The following MARCHF11 variants were observed in gnomAD, a reference collection of about 807,000 sequenced individuals.
The protein encoded by MARCHF11 is membrane associated ring-CH-type finger 11, also known as E3 ubiquitin-protein ligase MARCHF11.
Under a neutral mutation model 37.3 loss-of-function variants are expected in MARCHF11, and 29 were observed. That is an observed-to-expected ratio of 0.78 (90% confidence interval 0.58 to 1.06). The LOEUF (loss-of-function observed/expected upper bound fraction) is 1.06, where lower values mean the gene tolerates loss of function less well. Ranked by LOEUF, MARCHF11 falls within the 50% of genes least tolerant of loss-of-function variation. MARCHF11 has a pLI of 0.00. For missense variants in MARCHF11, 482 were observed against 533.4 expected (o/e 0.90, Z 0.95); for synonymous variants, 233 against 228.0 (o/e 1.02, Z -0.20).
intron 2 of MARCHF11, among the ~76,000 whole-genome samples, chr5:16,095,463 G>GGGAA (rs200720532): frequency 0.27 from 35,179 of 131,590 alleles, 5,884 homozygotes; most frequent in East Asian, 0.59. Flanking sequence ...CAGGGAAGGA[G>GGGAA]GGAAGGAAGG....
intron 2 of MARCHF11, among the ~76,000 whole-genome samples, chr5:16,153,363 G>A (rs1196098887): frequency 6.6e-6 from 1 of 151,914 alleles, no homozygotes; most frequent in East Asian, 1.9e-4. Context: ...CAGGTTACAG[G>A]AAGCACAGGA....
intron 3 of MARCHF11, among the ~76,000 whole-genome samples, chr5:16,069,937 T>C (rs1736405546): frequency 6.6e-6 from 1 of 152,140 alleles, no homozygotes; most frequent in African/African-American, 2.4e-5. Context: ...TAAAGATACA[T>C]GTGACTTACA....
chr5:16,178,945 T>G (rs1455428219), intron 1 of MARCHF11, 94 bp downstream of exon 1: 1 of 1,317,938 alleles, frequency 7.6e-7, no homozygotes, highest in Non-Finnish European at 9.7e-7. Context: ...GGAGGCAAAC[T>G]GGGAGGTAGG....
At chr5:16,169,597 A>T (rs1168107379) in intron 2 of MARCHF11, among the ~76,000 whole-genome samples, 1 of 152,138 alleles carries the variant, frequency 6.6e-6, no homozygotes. Context: ...ATGTCTTATC[A>T]TATAACAGGT....
At chr5:16,106,603 T>C (rs1350174489) in intron 2 of MARCHF11, among the ~76,000 whole-genome samples, 2 of 152,224 alleles carry the variant, frequency 1.3e-5, no homozygotes, top group African/African-American at 4.8e-5. Flanking sequence ...TAGCTTCTAA[T>C]TCTAGTCCAG....
chr5:16,083,169 G>C (rs574103996), intron 3 of MARCHF11, among the ~76,000 whole-genome samples: 1 of 152,146 alleles, frequency 6.6e-6, no homozygotes, highest in Non-Finnish European at 1.5e-5. Flanking sequence ...CGGGGCTGTT[G>C]GTGGTTGGCA....
At chr5:16,135,037 C>T (rs954469316) in intron 2 of MARCHF11, among the ~76,000 whole-genome samples, 6 of 151,898 alleles carry the variant, frequency 4.0e-5, no homozygotes, top group Non-Finnish European at 5.9e-5. Context: ...CATGCAAACA[C>T]GCACACATAG....
intron 3 of MARCHF11, among the ~76,000 whole-genome samples, chr5:16,069,920 C>G (rs1323529057): frequency 2.0e-5 from 3 of 152,066 alleles, no homozygotes; most frequent in Non-Finnish European, 1.5e-5. Context: ...GGTCCCTTAC[C>G]AGGAGGTAAA....
intron 2 of MARCHF11, among the ~76,000 whole-genome samples, chr5:16,145,062 C>T (rs190135525): frequency 2.6e-5 from 4 of 152,298 alleles, no homozygotes; most frequent in Admixed American, 2.6e-4. Flanking sequence ...GAGCTGAATA[C>T]ATTCATTTTT....
In MARCHF11 at chr5:16,179,263, CTTCCCCGGA is replaced by C; in HGVS notation, c.304_312del (p.Ser102_Glu104del). 7.5e-7 allele frequency: 1 copy of C among 1,330,390 alleles called. No homozygotes were observed. The highest frequency in any genetic ancestry group is 9.6e-7 in the Non-Finnish European group (1 of 1,038,764). The allele number at this position is 1,330,390 out of a possible 1,614,324, so 82.4% of individuals were successfully genotyped here. On this transcript the variant is annotated inframe_deletion, in exon 1 of 4. Transcript: ENST00000332432. ...GCCGCCTCCGGGAGGCGCCTCGGAC[CTTCCCCGGA>C]GTCGCCGGCCGCCGCCACTTCCTGG...
rs914708930 is a variant in MARCHF11, at chr5:16,123,896, T to C, written c.694-32815A>G. 2.0e-5 allele frequency among the ~76,000 whole-genome samples: 3 copies of C among 152,122 alleles called. No individual in the cohort carries two copies. In the South Asian group the frequency reaches 6.2e-4, roughly 32 times the overall value. ...GACCCACCTTTTACAATTCAATATG[T>C]GGCATGAAAAATACACAGATACATA... On this transcript the variant is annotated intron_variant, in intron 2 of 3. Transcript: ENST00000332432.
chr5:16,113,945 CCT>C (rs1475425779), intron 2 of MARCHF11, among the ~76,000 whole-genome samples: 2 of 151,994 alleles, frequency 1.3e-5, no homozygotes, highest in Non-Finnish European at 2.9e-5. Flanking sequence ...TTTTCAACTC[CCT>C]CCCCACCTTT....
At chr5:16,133,227 C>T (rs1737549003) in intron 2 of MARCHF11, among the ~76,000 whole-genome samples, 1 of 152,116 alleles carries the variant, frequency 6.6e-6, no homozygotes, top group South Asian at 2.1e-4. Flanking sequence ...ATTTGGTGTT[C>T]ATCTCTGATT....
At chr5:16,149,828 C>CACAT (rs1737862414) in intron 2 of MARCHF11, among the ~76,000 whole-genome samples, 1 of 152,060 alleles carries the variant, frequency 6.6e-6, no homozygotes, top group Non-Finnish European at 1.5e-5. Flanking sequence ...GTGGTACATC[C>CACAT]ATACAATGGA....
intron 2 of MARCHF11, among the ~76,000 whole-genome samples, chr5:16,122,091 C>G (rs996150162): frequency 6.6e-6 from 1 of 152,126 alleles, no homozygotes; most frequent in African/African-American, 2.4e-5. Context: ...TACATGCAGG[C>G]AATTTGTCTC....
chr5:16,110,521 T>C (rs1039193119), intron 2 of MARCHF11, among the ~76,000 whole-genome samples: 1 of 152,100 alleles, frequency 6.6e-6, no homozygotes, highest in African/African-American at 2.4e-5. Context: ...AAAAAATGGA[T>C]ATTTATTTGA....
At chr5:16,115,239 G>T (rs1414608405) in intron 2 of MARCHF11, among the ~76,000 whole-genome samples, 1 of 152,162 alleles carries the variant, frequency 6.6e-6, no homozygotes, top group African/African-American at 2.4e-5. Context: ...TGTAATAAGT[G>T]CCTTCTCAGT....
intron 2 of MARCHF11, among the ~76,000 whole-genome samples, chr5:16,152,893 T>C (rs1560990251): frequency 6.6e-6 from 1 of 152,028 alleles, no homozygotes; most frequent in Admixed American, 6.6e-5. Context: ...TAATGTAATA[T>C]GATAACTTAA....
At chr5:16,150,624 T>C (rs1278736528) in intron 2 of MARCHF11, among the ~76,000 whole-genome samples, 1 of 137,016 alleles carries the variant, frequency 7.3e-6, no homozygotes, top group Non-Finnish European at 1.5e-5. Flanking sequence ...TACTCTCCTA[T>C]AGCTAGCTCA....
Sources: gnomAD v4.1 joint callset for allele counts (sites outside exome capture counted in the v4.1 genomes callset) on GRCh38, gnomAD v4.1.1 for gene constraint, MANE v1.5 for transcripts, NCBI Gene and HGNC (gene_info 2026-07-23, HGNC 2026-07-21) for gene names.